The following BANK1 variants were observed in gnomAD, a reference collection of about 807,000 sequenced individuals.
BANK1 encodes the protein B cell scaffold protein with ankyrin repeats 1, also known as B-cell scaffold protein with ankyrin repeats.
BANK1 carries 95 observed loss-of-function variants against 94.5 expected under a neutral mutation model. The ratio of observed to expected loss-of-function variants is 1.00; its 90% CI spans 0.85 to 1.19. The LOEUF is 1.19. BANK1 is among the 50% of genes most tolerant of loss of function. The pLI, the probability that BANK1 is intolerant of heterozygous loss-of-function variation, is 0.00. For synonymous variants in BANK1, 334 were observed against 308.4 expected (o/e 1.08, Z -0.87); for missense variants, 987 against 932.2 (o/e 1.06, Z -0.77).
chr4:101,824,971 C>G (rs1726308599), intron 1 of BANK1, among the ~76,000 whole-genome samples: 2 of 152,006 alleles, frequency 1.3e-5, no homozygotes, highest in African/African-American at 4.8e-5. Flanking sequence ...CAGGTTTAAA[C>G]ATTTGTTATA....
intron 7 of BANK1, among the ~76,000 whole-genome samples, chr4:101,934,775 A>G (rs1349375431): frequency 6.6e-6 from 1 of 151,586 alleles, no homozygotes; most frequent in East Asian, 2.0e-4. Context: ...CTGCGCTGAT[A>G]TTCTAATGCC....
chr4:101,822,419 C>T (rs554077231), intron 1 of BANK1, among the ~76,000 whole-genome samples: 1 of 151,788 alleles, frequency 6.6e-6, no homozygotes, highest in African/African-American at 2.4e-5. Context: ...GTTACTGATT[C>T]TGACAATTTA....
intron 7 of BANK1, among the ~76,000 whole-genome samples, chr4:101,986,899 GTATATATATATATATA>G (rs1166018412): frequency 2.4e-5 from 2 of 82,670 alleles, no homozygotes; most frequent in African/African-American, 6.4e-5. Flanking sequence ...GTGTGTGTGT[GTATATATATATATATA>G]TATATATATA....
intron 7 of BANK1, among the ~76,000 whole-genome samples, chr4:102,020,282 T>G (rs924861145): frequency 8.5e-5 from 13 of 152,192 alleles, no homozygotes; most frequent in Non-Finnish European, 1.6e-4. Context: ...AAACAAAGAT[T>G]AGCTATATTA....
chr4:101,968,915 C>G (rs534085855), intron 7 of BANK1, among the ~76,000 whole-genome samples: 9 of 152,130 alleles, frequency 5.9e-5, no homozygotes, highest in African/African-American at 2.2e-4. Flanking sequence ...AATGGGAACA[C>G]CCAAAGGTGA....
Position 101,878,163 on chromosome 4 carries a change from G to A in BANK1, c.903+7519G>A, listed in dbSNP as rs9992508. On this transcript the variant is annotated intron_variant, in intron 5 of 16. Transcript: ENST00000322953. ...TCTTCAATCAAAAGACAGAATGGCT[G>A]AATGGATTAAAAACAAAAAAAAAGA... 6.3e-3 allele frequency among the ~76,000 whole-genome samples: 959 copies of A among 151,812 alleles called. 10 individuals carry two copies. The highest frequency in any genetic ancestry group is 0.021 in the African/African-American group (886 of 41,430).
chr4:101,895,339 C>T lies in BANK1; in HGVS notation c.938C>T (p.Ser313Phe). The T allele has an allele frequency of 6.3e-7, 1 of 1,594,464 alleles. No individual in the cohort carries two copies. Among genetic ancestry groups the T allele is most frequent in the Non-Finnish European group, 8.5e-7 (1 of 1,170,712 alleles). ...SIEELDGVLT[S>F]IFKHEIPYYE... The stretch of plus-strand genomic sequence containing the variant: ...GAAGAACTTGATGGTGTCCTTACAT[C>T]CATATTCAAACATGAGATACCATAT... The change falls in exon 6 of 17, where the codon TCC becomes TTC. Residue 313 changes from serine to phenylalanine, a missense_variant. Coordinates refer to ENST00000322953, the MANE Select transcript of BANK1 (RefSeq NM_017935.5).
chr4:101,921,327 T>G (rs554920189), intron 7 of BANK1, among the ~76,000 whole-genome samples: 1 of 151,986 alleles, frequency 6.6e-6, no homozygotes, highest in Non-Finnish European at 1.5e-5. Flanking sequence ...CAACTGCGTA[T>G]GAACAACGAT....
intron 1 of BANK1, among the ~76,000 whole-genome samples, chr4:101,814,255 A>G (rs1052309775): frequency 4.6e-5 from 7 of 152,204 alleles, no homozygotes; most frequent in Admixed American, 2.0e-4. Flanking sequence ...TTTTACAGTT[A>G]AATCTGCCTA....
chr4:101,824,127 TGA>T lies in BANK1; in HGVS notation c.71-5679_71-5678del, dbSNP rs747273357. Among the ~76,000 whole-genome samples, 13 of 152,216 alleles carry T rather than the reference TGA, an allele frequency of 8.5e-5. 1 individual carries two copies. Among genetic ancestry groups the T allele is most frequent in the Admixed American group, 6.5e-4 (10 of 15,284 alleles). On this transcript the variant is annotated intron_variant, in intron 1 of 16. Transcript: ENST00000322953. ...TTGCCCCATTGCAGGTTGGATAAGC[TGA>T]GTTATTTACACATTTACTTCTGTTC...
In BANK1 at chr4:101,830,062, A is replaced by G. The variant is rs369391063; in HGVS notation, c.325A>G (p.Lys109Glu). The change falls in exon 2 of 17, where the codon AAA becomes GAA. Residue 109 changes from lysine (K) to glutamate (E), a missense_variant. Lys to Glu is a moderately conservative substitution (Grantham distance 56). Transcript: ENST00000322953. The part of the protein sequence containing the change: ...QFLEKILHSP[K>E]SVVTLLCGVK... ...TCTGGAAAAGATACTTCATTCACCA[A>G]AAAGTGTAGTTACTTTGCTTTGTGG... The G allele has an allele frequency of 6.2e-7, 1 of 1,613,938 alleles. No individual in the cohort carries two copies. The highest frequency in any genetic ancestry group is 1.1e-5 in the South Asian group (1 of 91,074).
intron 5 of BANK1, among the ~76,000 whole-genome samples, chr4:101,886,533 T>C (rs1728862034): frequency 6.6e-6 from 1 of 152,210 alleles, no homozygotes; most frequent in African/African-American, 2.4e-5. Context: ...GCTATATTTG[T>C]TTTAAAACTT....
chr4:101,854,150 G>T (rs948275703), intron 2 of BANK1, among the ~76,000 whole-genome samples: 1 of 152,026 alleles, frequency 6.6e-6, no homozygotes, highest in Non-Finnish European at 1.5e-5. Flanking sequence ...TTCCCTTCTT[G>T]GGGGGTTTCA....
chr4:101,939,577 A>G lies in BANK1; in HGVS notation c.1206+21388A>G, dbSNP rs1013836356. 5.9e-5 allele frequency among the ~76,000 whole-genome samples: 9 copies of G among 151,634 alleles called. No homozygotes were observed. In the South Asian group the frequency reaches 8.3e-4, roughly 14 times the overall value. On this transcript the variant is annotated intron_variant, in intron 7 of 16. Transcript: ENST00000322953. Reference sequence around the variant, plus strand: ...TAGAGAGACAGAGGTTGAGAGAGACATGGGCTTTTAACTGCCTCTGCCCCA... The same window carrying G: ...TAGAGAGACAGAGGTTGAGAGAGACGTGGGCTTTTAACTGCCTCTGCCCCA...
At chr4:102,061,529 T>C (rs1056330845) in intron 12 of BANK1, 6 of 152,262 alleles carry the variant, frequency 3.9e-5, no homozygotes, top group Admixed American at 6.5e-5. Context: ...TCATCACCAA[T>C]ACACATGTGT....
Position 101,821,998 on chromosome 4 carries a change from G to A in BANK1, c.71-7810G>A, listed in dbSNP as rs79007404. Among the ~76,000 whole-genome samples, 711 of 152,224 alleles carry A rather than the reference G, an allele frequency of 4.7e-3. 6 individuals are homozygous for A. The highest frequency in any genetic ancestry group is 0.016 in the African/African-American group (677 of 41,550). On this transcript the variant is annotated intron_variant, in intron 1 of 16. Coordinates refer to ENST00000322953, the MANE Select transcript of BANK1 (RefSeq NM_017935.5). Reference sequence around the variant, plus strand: ...CATCCTCCGGGAAAGAAATCAGTCTGGGGGGAATCATAGAAAATAATAAGA... The same window carrying A: ...CATCCTCCGGGAAAGAAATCAGTCTAGGGGGAATCATAGAAAATAATAAGA...
Position 101,805,314 on chromosome 4 carries a change from A to C in BANK1, c.70+14364A>C, listed in dbSNP as rs75655177. ...GACAAGAATGAATTTTATGTCTTTGAGGTTAACTAACTTAACAGGACATAT... is the reference window on the plus strand; with the variant it reads ...GACAAGAATGAATTTTATGTCTTTGCGGTTAACTAACTTAACAGGACATAT... On this transcript the variant is annotated intron_variant, in intron 1 of 16. Transcript: ENST00000322953. Among the ~76,000 whole-genome samples the C allele has an allele frequency of 2.4e-3, 364 of 152,284 alleles. 3 individuals are homozygous for C. The highest frequency in any genetic ancestry group is 8.1e-3 in the African/African-American group (336 of 41,576).
chr4:101,971,945 C>G (rs999429904), intron 7 of BANK1, among the ~76,000 whole-genome samples: 3 of 151,938 alleles, frequency 2.0e-5, no homozygotes, highest in African/African-American at 7.3e-5. Context: ...TCTTTTTGTA[C>G]AATATTGCCT....
At chr4:101,982,687 G>T (rs1725361071) in intron 7 of BANK1, among the ~76,000 whole-genome samples, 1 of 151,692 alleles carries the variant, frequency 6.6e-6, no homozygotes, top group Non-Finnish European at 1.5e-5. Context: ...TACTATATCT[G>T]ATTTGTTTCT....
Sources: gnomAD v4.1 joint callset for allele counts (sites outside exome capture counted in the v4.1 genomes callset) on GRCh38, gnomAD v4.1.1 for gene constraint, MANE v1.5 for transcripts, NCBI Gene and HGNC (gene_info 2026-07-23, HGNC 2026-07-21) for gene names.